The following MXI1 variants were observed in gnomAD, a reference collection of about 807,000 sequenced individuals.
MXI1 encodes the protein max-interacting protein 1.
In MXI1, 18 loss-of-function variants were observed where a neutral mutation model predicts 36.9. The ratio of observed to expected loss-of-function variants is 0.49; its 90% CI spans 0.34 to 0.72. The LOEUF (loss-of-function observed/expected upper bound fraction) is 0.72. Among genes scored for constraint, MXI1 ranks in the 30% least tolerant of loss-of-function variants. The probability of loss-of-function intolerance (pLI) is 0.01; values close to 1 mark genes in which losing one functional copy is unlikely to be tolerated. For synonymous variants in MXI1, 160 were observed against 146.7 expected (o/e 1.09, Z -0.65); for missense variants, 304 against 379.1 (o/e 0.80, Z 1.64).
chr10:110,251,175 A>C (rs1377964349), intron 3 of MXI1, among the ~76,000 whole-genome samples: 1 of 151,862 alleles, frequency 6.6e-6, no homozygotes, highest in Non-Finnish European at 1.5e-5. Flanking sequence ...ATAATTCTGT[A>C]AGGTAGAAAG....
intron 2 of MXI1, among the ~76,000 whole-genome samples, chr10:110,231,372 C>CG (rs34725277): frequency 1.1e-4 from 16 of 150,526 alleles, no homozygotes; most frequent in African/African-American, 3.4e-4. Flanking sequence ...ACCCCCCCCC[C>CG]CTCAAAAAAG....
Position 110,207,974 on chromosome 10 carries a change from A to T in MXI1, c.166A>T (p.Asn56Tyr), listed in dbSNP as rs2134316502. 1.9e-6 allele frequency: 3 copies of T among 1,599,854 alleles called. No homozygotes were observed. Among genetic ancestry groups the T allele is most frequent in the East Asian group, 4.6e-5 (2 of 43,074 alleles). The change falls in exon 1 of 6, where the codon AAC becomes TAC. Residue 56 changes from asparagine to tyrosine, a missense_variant. Physicochemically the swap from Asn to Tyr is moderately radical, Grantham distance 143. Around this residue, in one of 2 missense-constraint regions of MXI1, gnomAD observed 179 missense variants for 184.8 expected, o/e 0.97. Transcript: ENST00000332674. ...KPRCPFSDIF[N>Y]TSENSMEKHI... ...CAGGTGCCCCTTCTCAGACATTTTC[A>T]ACACCAGCGAGAACTCGATGGAGAA...
intron 3 of MXI1, among the ~76,000 whole-genome samples, chr10:110,248,315 T>C (rs1855948223): frequency 6.6e-6 from 1 of 152,152 alleles, no homozygotes; most frequent in Non-Finnish European, 1.5e-5. Context: ...CTGCACGTTG[T>C]GCACATGTAC....
At chr10:110,277,541 A>C (rs968220196) in intron 3 of MXI1, among the ~76,000 whole-genome samples, 1 of 152,208 alleles carries the variant, frequency 6.6e-6, no homozygotes, top group African/African-American at 2.4e-5. Context: ...AAATTTTGTT[A>C]AAGGTTCTAT....
At chr10:110,246,732 C>T (rs1281473562) in intron 3 of MXI1, among the ~76,000 whole-genome samples, 2 of 152,136 alleles carry the variant, frequency 1.3e-5, no homozygotes, top group Non-Finnish European at 2.9e-5. Context: ...AAAACTGGAA[C>T]TCAAAGTTGA....
intron 1 of MXI1, among the ~76,000 whole-genome samples, chr10:110,219,862 C>T (rs1377202788): frequency 2.0e-5 from 3 of 152,194 alleles, no homozygotes; most frequent in Non-Finnish European, 2.9e-5. Context: ...CTTTATCTTT[C>T]TGACCTAGTG....
intron 1 of MXI1, chr10:110,226,323 A>T (rs1301003547): frequency 2.1e-6 from 3 of 1,453,216 alleles, no homozygotes; most frequent in African/African-American, 3.0e-5. Flanking sequence ...GAGCGCTACT[A>T]ATCTTTTTCG....
chr10:110,230,595 A>G (rs1025237057), intron 2 of MXI1, among the ~76,000 whole-genome samples: 2 of 152,242 alleles, frequency 1.3e-5, no homozygotes, highest in African/African-American at 4.8e-5. Flanking sequence ...TAGTATGTTA[A>G]AATGAAACAC....
chr10:110,208,169 T>TCC lies in MXI1; in HGVS notation c.274+95_274+96dup, dbSNP rs545792458. ...CGACCCCTGTTGCGAGCTCGGCCCG[T>TCC]CCCCCCCCCGCCCAACATACACATC... On this transcript the variant is annotated intron_variant, in intron 1 of 5. Transcript: ENST00000332674. 24 of 1,233,304 alleles carry TCC rather than the reference T, an allele frequency of 1.9e-5. No individual in the cohort carries two copies. In the East Asian group the frequency reaches 2.4e-4, roughly 12 times the overall value. The allele number at this position is 1,233,304 out of a possible 1,614,324, so 76.4% of individuals were successfully genotyped here. A position where few individuals can be genotyped will look rare whatever the true frequency, so the allele number is the denominator to read the frequency against.
intron 2 of MXI1, among the ~76,000 whole-genome samples, chr10:110,231,202 A>G (rs576344741): frequency 6.6e-6 from 1 of 152,204 alleles, no homozygotes; most frequent in South Asian, 2.1e-4. Context: ...CCCTGTCTCT[A>G]CTAAAAATAC....
intron 2 of MXI1, among the ~76,000 whole-genome samples, chr10:110,242,729 G>T (rs1855716384): frequency 1.3e-5 from 2 of 151,958 alleles, no homozygotes; most frequent in South Asian, 4.1e-4. Context: ...TTTGATAATA[G>T]ACTCAATATA....
intron 1 of MXI1, among the ~76,000 whole-genome samples, chr10:110,223,578 T>C (rs1405717277): frequency 1.3e-5 from 2 of 151,604 alleles, no homozygotes; most frequent in Non-Finnish European, 2.9e-5. Context: ...TCTCAAAAAA[T>C]AAATAAATAA....
intron 1 of MXI1, chr10:110,227,575 A>C: frequency 1.3e-6 from 1 of 774,214 alleles, no homozygotes; most frequent in Non-Finnish European, 1.5e-6. Flanking sequence ...AGGAACACGG[A>C]TGCTGGGGGG....
In MXI1 at chr10:110,228,260, C is replaced by G. The variant is rs148687001; in HGVS notation, c.346C>G (p.Arg116Gly). Residue 116 changes from arginine to glycine, a missense_variant, in exon 2 of 6, where the codon CGG (arginine) becomes GGG (glycine). By Grantham distance (125) the Arg-to-Gly change is moderately radical. Coordinates refer to ENST00000332674, the MANE Select transcript of MXI1 (RefSeq NM_130439.3). ...SPRLQHSKPP[R>G]RLSRAQKHSS... ...CCGACTGCAGCATTCAAAGCCCCCACGGAGGTTGAGCCGGGCACAGAAACA... is the reference window on the plus strand; with the variant it reads ...CCGACTGCAGCATTCAAAGCCCCCAGGGAGGTTGAGCCGGGCACAGAAACA... 105 of 1,614,150 alleles carry G rather than the reference C, an allele frequency of 6.5e-5. No individual in the cohort carries two copies. In the African/African-American group the frequency reaches 9.9e-4, roughly 15 times the overall value.
At chr10:110,249,976 T>C (rs1856016036) in intron 3 of MXI1, among the ~76,000 whole-genome samples, 1 of 152,166 alleles carries the variant, frequency 6.6e-6, no homozygotes, top group East Asian at 1.9e-4. Flanking sequence ...AAGGAGATAA[T>C]AGCCACCAAA....
intron 3 of MXI1, among the ~76,000 whole-genome samples, chr10:110,267,884 G>A (rs1856729139): frequency 1.3e-5 from 2 of 152,052 alleles, no homozygotes. Flanking sequence ...ATATATGTTG[G>A]GTCTTATTTT....
Position 110,286,403 on chromosome 10 carries a change from T to G in MXI1, c.*1416T>G, listed in dbSNP as rs1312174807. On this transcript the variant is annotated 3_prime_UTR_variant, in exon 6 of 6. Transcript: ENST00000332674. ...ACTCCAAGGTTCCCTTGTGGCCCTC[T>G]CCCTTACCCTGGGAAGGCCTCTTGG... 6.6e-6 allele frequency: 1 copy of G among 151,944 alleles called. No individual in the cohort carries two copies. Among genetic ancestry groups the G allele is most frequent in the Non-Finnish European group, 1.5e-5 (1 of 67,942 alleles). 9.4% of individuals were successfully genotyped at this position (151,944 alleles called of 1,614,324 possible).
At chr10:110,210,515 G>A (rs2134320745) in intron 1 of MXI1, among the ~76,000 whole-genome samples, 1 of 151,952 alleles carries the variant, frequency 6.6e-6, no homozygotes, top group East Asian at 2.0e-4. Flanking sequence ...CCAGGCCCTC[G>A]CCCCGTCCCC....
intron 1 of MXI1, among the ~76,000 whole-genome samples, chr10:110,210,650 C>G (rs1240390722): frequency 6.6e-6 from 1 of 152,258 alleles, no homozygotes; most frequent in Non-Finnish European, 1.5e-5. Flanking sequence ...CCCTCTCCTC[C>G]CCTCCTCCTG....
Sources: allele counts gnomAD v4.1 joint callset (sites outside exome capture counted in the v4.1 genomes callset), GRCh38; gene constraint gnomAD v4.1.1; regional missense constraint gnomAD v4.1.1; transcripts MANE v1.5; gene names NCBI Gene and HGNC (gene_info 2026-07-23, HGNC 2026-07-21).